The following LRP1B variants were observed in gnomAD, a reference collection of about 807,000 sequenced individuals.
LRP1B encodes the protein low-density lipoprotein receptor-related protein 1B.
LRP1B carries 217 observed loss-of-function variants against 556.6 expected under a neutral mutation model. The observed-to-expected ratio is 0.39, with a 90% CI of 0.35 to 0.44. The LOEUF (loss-of-function observed/expected upper bound fraction) is 0.44, where lower values mean the gene tolerates loss of function less well. Ranked by LOEUF, LRP1B falls within the 20% of genes least tolerant of loss-of-function variation. The pLI, the probability that LRP1B is intolerant of heterozygous loss-of-function variation, is 1.00. For synonymous variants in LRP1B, 2,047 were observed against 1,865.8 expected (o/e 1.10, Z -2.50); for missense variants, 5,053 against 5,620.8 (o/e 0.90, Z 3.23).
intron 29 of LRP1B, among the ~76,000 whole-genome samples, chr2:140,842,511 T>G (rs553517596): frequency 6.6e-6 from 1 of 152,328 alleles, no homozygotes; most frequent in East Asian, 1.9e-4. Flanking sequence ...CGTGATTAAT[T>G]TACAGGTGAG....
chr2:141,395,097 C>A (rs1017003667), intron 3 of LRP1B, among the ~76,000 whole-genome samples: 3 of 151,994 alleles, frequency 2.0e-5, no homozygotes, highest in African/African-American at 7.2e-5. Context: ...AATGTCATAG[C>A]TGTTGTAACC....
In LRP1B at chr2:141,995,215, C is replaced by T. The variant is rs571693194; in HGVS notation, c.82+135433G>A. On this transcript the variant is annotated intron_variant, in intron 1 of 90. Transcript: ENST00000389484. Reference sequence around the variant, plus strand: ...TAGATCAGAAGTCTGACACAAGTCTCGGTTGGCCAAAAATCAAGGTGTCTG... The same window carrying T: ...TAGATCAGAAGTCTGACACAAGTCTTGGTTGGCCAAAAATCAAGGTGTCTG... Among the ~76,000 whole-genome samples, 10 of 152,214 alleles carry T rather than the reference C, an allele frequency of 6.6e-5. No individual in the cohort carries two copies. The South Asian group carries it at 1.7e-3, about 25-fold the overall frequency.
At chr2:141,769,811 G>GATCTACCACAAAT (rs1382777002) in intron 2 of LRP1B, among the ~76,000 whole-genome samples, 1 of 74,832 alleles carries the variant, frequency 1.3e-5, no homozygotes, top group African/African-American at 6.1e-5. Context: ...ACTATACGCT[G>GATCTACCACAAAT]GGGTTACTGA....
chr2:140,485,200 TG>T (rs201732275), intron 59 of LRP1B, 142 bp downstream of exon 59: 19,994 of 495,770 alleles, frequency 0.04, 510 homozygotes, highest in Non-Finnish European at 0.044. Flanking sequence ...ATCACATTAC[TG>T]TTTTTTTCTA....
intron 3 of LRP1B, among the ~76,000 whole-genome samples, chr2:141,375,597 A>C (rs1689399259): frequency 6.6e-6 from 1 of 152,112 alleles, no homozygotes; most frequent in African/African-American, 2.4e-5. Context: ...TGTGCTGAGG[A>C]GAGCTTGGTC....
intron 1 of LRP1B, among the ~76,000 whole-genome samples, chr2:142,106,153 A>T (rs2104978692): frequency 6.6e-6 from 1 of 152,292 alleles, no homozygotes; most frequent in Non-Finnish European, 1.5e-5. Flanking sequence ...TATATCTGTA[A>T]GAAGTGTTTT....
At chr2:140,362,648 C>T (rs180920943) in intron 72 of LRP1B, among the ~76,000 whole-genome samples, 1 of 151,642 alleles carries the variant, frequency 6.6e-6, no homozygotes, top group African/African-American at 2.4e-5. Flanking sequence ...AATCTTATTT[C>T]CTTTGTCCGC....
chr2:140,965,358 CTT>C lies in LRP1B; in HGVS notation c.2888-13420_2888-13419del, dbSNP rs11289918. ...ATTTTAACTTTCAAGGTTAAAATAC[CTT>C]TTTTTTTTTCTACTTGAAAAATGAT... On this transcript the variant is annotated intron_variant, in intron 18 of 90. Coordinates refer to ENST00000389484, the MANE Select transcript of LRP1B (RefSeq NM_018557.3). Among the ~76,000 whole-genome samples the C allele has an allele frequency of 9.3e-3, 1,384 of 148,466 alleles. 10 individuals carry two copies. Among genetic ancestry groups the C allele is most frequent in the Middle Eastern group, 0.018 (5 of 280 alleles).
chr2:140,985,307 T>A (rs1004129455), intron 17 of LRP1B, among the ~76,000 whole-genome samples: 1 of 151,568 alleles, frequency 6.6e-6, no homozygotes, highest in African/African-American at 2.4e-5. Context: ...AATGCACTAT[T>A]ATTTTGTAAA....
intron 3 of LRP1B, among the ~76,000 whole-genome samples, chr2:141,451,346 T>C (rs1681415269): frequency 6.6e-6 from 1 of 152,220 alleles, no homozygotes; most frequent in Admixed American, 6.5e-5. Context: ...AAAAGCTCAG[T>C]ATTGAAAAAG....
Position 140,841,084 on chromosome 2 carries a change from T to A in LRP1B, c.4948A>T (p.Ser1650Cys), listed in dbSNP as rs1306072569. The change falls in exon 30 of 91, where the codon AGT becomes TGT. Residue 1650 changes from serine (S) to cysteine (C), a missense_variant. Physicochemically the swap from Ser to Cys is moderately radical, Grantham distance 112 (BLOSUM62 -1). Around this residue, in one of 5 missense-constraint regions of LRP1B, gnomAD observed 3,619 missense variants for 3,931.9 expected, o/e 0.92. Transcript: ENST00000389484. ...LETVISRDIQSIRGLAVDWVS... is the reference protein window; with the variant it reads ...LETVISRDIQCIRGLAVDWVS... ...CAATCCACTGCTAGCCCTCTGATAC[T>A]CTGAATATCTATAAAACAGGAAAGA... 6.2e-7 allele frequency: 1 copy of A among 1,603,468 alleles called. No homozygotes were observed. The highest frequency in any genetic ancestry group is 1.3e-5 in the African/African-American group (1 of 74,610).
chr2:141,189,787 G>C (rs959608936), intron 6 of LRP1B, among the ~76,000 whole-genome samples: 1 of 151,898 alleles, frequency 6.6e-6, no homozygotes, highest in Admixed American at 6.6e-5. Flanking sequence ...GACATAGGTA[G>C]CTAGTGACTA....
intron 87 of LRP1B, among the ~76,000 whole-genome samples, chr2:140,242,547 T>C (rs1482674230): frequency 6.6e-6 from 1 of 151,130 alleles, no homozygotes. Flanking sequence ...TTCTCTTATA[T>C]TGCTTGATGT....
intron 2 of LRP1B, among the ~76,000 whole-genome samples, chr2:141,781,541 C>A (rs530507744): frequency 6.6e-6 from 1 of 152,266 alleles, no homozygotes; most frequent in African/African-American, 2.4e-5. Context: ...TTTTCACTCT[C>A]TTCCCAGGTT....
At chr2:140,662,444 T>C (rs1263655472) in intron 41 of LRP1B, among the ~76,000 whole-genome samples, 2 of 152,040 alleles carry the variant, frequency 1.3e-5, no homozygotes, top group Non-Finnish European at 2.9e-5. Context: ...CTTAAAATGA[T>C]AGAAAAAGAA....
chr2:140,952,058 GA>G, intron 18 of LRP1B, 118 bp from the exon 19 acceptor site: 1 of 692,962 alleles, frequency 1.4e-6, no homozygotes, highest in Middle Eastern at 3.4e-4. Flanking sequence ...AGGCACAGAG[GA>G]AATGGCAGAT....
At chr2:142,088,974 CAAAAAAA>C (rs1289382985) in intron 1 of LRP1B, among the ~76,000 whole-genome samples, 2 of 39,736 alleles carry the variant, frequency 5.0e-5, no homozygotes, top group African/African-American at 9.4e-5. Flanking sequence ...GGCTCCGTCT[CAAAAAAA>C]AAAAAAAAAA....
intron 1 of LRP1B, among the ~76,000 whole-genome samples, chr2:142,100,684 C>A (rs1316699788): frequency 1.3e-5 from 2 of 151,932 alleles, no homozygotes; most frequent in African/African-American, 4.8e-5. Context: ...AAGAAAACTG[C>A]ATACCTCTGT....
At chr2:141,689,066 T>G (rs1691418918) in intron 2 of LRP1B, among the ~76,000 whole-genome samples, 1 of 151,872 alleles carries the variant, frequency 6.6e-6, no homozygotes, top group South Asian at 2.1e-4. Context: ...GCAACCTAAC[T>G]TTTCCCTAAG....
Sources: gnomAD v4.1 joint callset for allele counts (sites outside exome capture counted in the v4.1 genomes callset) on GRCh38, gnomAD v4.1.1 for gene constraint, gnomAD v4.1.1 regional missense constraint, MANE v1.5 for transcripts, NCBI Gene and HGNC (gene_info 2026-07-23, HGNC 2026-07-21) for gene names.